POLR3A: variants seen among roughly 807,000 people sequenced by gnomAD.
POLR3A encodes the protein RNA polymerase III subunit A.
POLR3A carries 112 observed loss-of-function variants against 152.8 expected under a neutral mutation model. That is an observed-to-expected ratio of 0.73 (90% CI 0.63 to 0.86). POLR3A has a LOEUF of 0.86. POLR3A is among the 40% of genes least tolerant of loss of function. The pLI, the probability that POLR3A is intolerant of heterozygous loss-of-function variation, is 0.00. For synonymous variants in POLR3A, 615 were observed against 652.1 expected, an observed-to-expected ratio of 0.94 and a Z score of 0.87; for missense variants, 1,385 against 1,743.1, an observed-to-expected ratio of 0.79 and a Z score of 3.66.
At chr10:77,986,966 A>C (rs1035864761) in intron 21 of POLR3A, among the ~76,000 whole-genome samples, 1 of 152,138 alleles carries the variant, frequency 6.6e-6, no homozygotes, top group African/African-American at 2.4e-5. Context: ...CAACCACTCA[A>C]ATGGGTAAAA....
Position 78,029,441 on chromosome 10 carries a change from G to C in POLR3A, c.-34C>G. 1.2e-6 allele frequency: 2 copies of C among 1,612,008 alleles called. No individual in the cohort carries two copies. The highest frequency in any genetic ancestry group is 1.7e-6 in the Non-Finnish European group (2 of 1,178,470). On this transcript the variant is annotated 5_prime_UTR_variant, in exon 1 of 31. Transcript: ENST00000372371. Reference sequence around the variant, plus strand: ...CTGCCGGGACGCCTCCTTGGCACTCGGGAGGCCAGATTAGAGAAACGATGC... The same window carrying C: ...CTGCCGGGACGCCTCCTTGGCACTCCGGAGGCCAGATTAGAGAAACGATGC...
intron 14 of POLR3A, among the ~76,000 whole-genome samples, chr10:78,008,778 G>A (rs1025884702): frequency 2.6e-5 from 4 of 151,932 alleles, no homozygotes; most frequent in African/African-American, 7.3e-5. Flanking sequence ...GGGAGGATGA[G>A]GTGGGACGAT....
Position 78,004,830 on chromosome 10 carries a change from C to T in POLR3A, c.2133G>A (p.Lys711=). The change falls in exon 16 of 31, where the codon AAG becomes AAA. Residue 711 remains lysine (K), a synonymous_variant. Transcript: ENST00000372371. The stretch of plus-strand genomic sequence containing the variant: ...CGGCATTCAGCAACTCATACTTGGC[C>T]TTCAGCAGTCCTTGGCCAGGTGTGA... ...GDVTPGQGLL[K]AKYELLNAGY... is the part of the protein sequence containing the mutation. The T allele has an allele frequency of 1.9e-6, 3 of 1,614,128 alleles. No homozygotes were observed. Among genetic ancestry groups the T allele is most frequent in the Non-Finnish European group, 2.5e-6 (3 of 1,179,978 alleles).
intron 29 of POLR3A, 59 bp downstream of exon 29, chr10:77,981,369 T>A (rs1385301951): frequency 5.9e-6 from 9 of 1,525,114 alleles, no homozygotes; most frequent in Non-Finnish European, 7.3e-6. Context: ...CACAGGCTTA[T>A]TCTCCTGAAA....
intron 21 of POLR3A, among the ~76,000 whole-genome samples, chr10:77,989,715 T>A (rs1253182432): frequency 6.6e-6 from 1 of 152,162 alleles, no homozygotes; most frequent in Non-Finnish European, 1.5e-5. Context: ...CTGTTGGCGT[T>A]CACAGCATGC....
chr10:77,979,797 C>A (rs1330745977), intron 30 of POLR3A, among the ~76,000 whole-genome samples: 1 of 152,196 alleles, frequency 6.6e-6, no homozygotes, highest in Non-Finnish European at 1.5e-5. Context: ...CTGCTCCTGT[C>A]AGCCCTGGTG....
chr10:78,008,374 A>T (rs1051190283), intron 14 of POLR3A, among the ~76,000 whole-genome samples: 62 of 152,278 alleles, frequency 4.1e-4, no homozygotes, highest in African/African-American at 1.4e-3. Context: ...ATCAGAGAGC[A>T]TATTTCCAAA....
Position 77,984,164 on chromosome 10 carries a change from C to T in POLR3A, c.3336+41G>A, listed in dbSNP as rs1214040573. 6 of 1,382,504 alleles carry T rather than the reference C, an allele frequency of 4.3e-6. No homozygotes were observed. The South Asian group carries it at 5.8e-5, about 13-fold the overall frequency. The allele number at this position is 1,382,504 out of a possible 1,614,324, so 85.6% of individuals were successfully genotyped here. A position where few individuals can be genotyped will look rare whatever the true frequency, so the allele number is the denominator to read the frequency against. On this transcript the variant is annotated intron_variant, in intron 25 of 30. Coordinates refer to ENST00000372371, the MANE Select transcript of POLR3A (RefSeq NM_007055.4). The stretch of plus-strand genomic sequence containing the variant: ...ATTTTTACACTTCCTTGCAACATTG[C>T]TGAGCTAGTTTTCTTGTTATCAATA...
chr10:77,991,390 AG>A (rs1847246496), intron 20 of POLR3A, among the ~76,000 whole-genome samples: 1 of 152,228 alleles, frequency 6.6e-6, no homozygotes, highest in South Asian at 2.1e-4. Flanking sequence ...GCTATTCAGC[AG>A]GTGTTGTCCC....
rs1847614779 is a variant in POLR3A, at chr10:78,024,682, A to G, written c.512T>C (p.Leu171Pro). 6.2e-7 allele frequency: 1 copy of G among 1,613,728 alleles called. No homozygotes were observed. The highest frequency in any genetic ancestry group is 1.7e-5 in the Admixed American group (1 of 60,002). ...GTATTTCTCATGAATTATTTTCAGC[A>G]GTCCACACTTCTTTACGGTACCTAT... ...AFNGTVKKCG[L>P]LKIIHEKYKT... The change falls in exon 5 of 31, where the codon CTG (leucine) becomes CCG (proline). Residue 171 changes from leucine to proline, a missense_variant. Transcript: ENST00000372371.
chr10:77,986,213 C>T (rs1458759872), intron 21 of POLR3A, 54 bp from the exon 22 acceptor site: 2 of 902,348 alleles, frequency 2.2e-6, no homozygotes, highest in Non-Finnish European at 3.8e-6. Context: ...ATGCAGATGA[C>T]ATAATTCATT....
chr10:77,977,220 G>A lies in POLR3A; in HGVS notation c.*258C>T, dbSNP rs974471203. 19 of 472,684 alleles carry A rather than the reference G, an allele frequency of 4.0e-5. No homozygotes were observed. The highest frequency in any genetic ancestry group is 6.2e-5 in the Non-Finnish European group (16 of 257,602). The allele number at this position is 472,684 out of a possible 1,614,324, so 29.3% of individuals were successfully genotyped here. ...CAGTGTGTGCACGAGCTGTGGGGCCGTCTATAGATTAGGTTTCAAGCAAGC... is the reference window on the plus strand; with the variant it reads ...CAGTGTGTGCACGAGCTGTGGGGCCATCTATAGATTAGGTTTCAAGCAAGC... On this transcript the variant is annotated 3_prime_UTR_variant, in exon 31 of 31. Transcript: ENST00000372371.
In POLR3A at chr10:78,007,828, T is replaced by C. The variant is rs145211567; in HGVS notation, c.1948A>G (p.Met650Val). Residue 650 changes from methionine to valine, a missense_variant, in exon 15 of 31, where the codon ATG becomes GTG. Met to Val is a conservative substitution (Grantham distance 21). Coordinates refer to ENST00000372371, the MANE Select transcript of POLR3A (RefSeq NM_007055.4). ...CCTGACCCTAGGGTTCCTTTGTCCATGCTGCCACTCATCAACTCACTGTTC... is the reference window on the plus strand; with the variant it reads ...CCTGACCCTAGGGTTCCTTTGTCCACGCTGCCACTCATCAACTCACTGTTC... ...IQNSELMSGS[M>V]DKGTLGSGSK... 18 of 1,613,820 alleles carry C rather than the reference T, an allele frequency of 1.1e-5. No homozygotes were observed. The African/African-American group carries it at 2.1e-4, about 19-fold the overall frequency.
rs116234948 is a variant in POLR3A at position 77,983,165 on chromosome 10, C to T, written c.3430-348G>A. Among the ~76,000 whole-genome samples the T allele has an allele frequency of 4.4e-3, 665 of 152,284 alleles. 4 individuals carry two copies. Among genetic ancestry groups the T allele is most frequent in the African/African-American group, 0.014 (595 of 41,548 alleles). On this transcript the variant is annotated intron_variant, in intron 26 of 30. Transcript: ENST00000372371. ...AAGCTTCCGTGGGGCCTCCCCTTTA[C>T]CTGACACTTTCACAATGGTTCATGT...
rs749302929 is a variant in POLR3A, at chr10:77,982,195, CGT to C, written c.3716_3717del (p.His1239ArgfsTer11). 19 of 1,613,946 alleles carry C rather than the reference CGT, an allele frequency of 1.2e-5. No homozygotes were observed. The South Asian group carries it at 2.0e-4, about 17-fold the overall frequency. On this transcript the variant is annotated frameshift_variant, in exon 28 of 31. Coordinates refer to ENST00000372371, the MANE Select transcript of POLR3A (RefSeq NM_007055.4). LOFTEE classifies it high-confidence loss of function. Reference sequence around the variant, plus strand: ...GAGGTGGTTCGGGTGCCCTTCACACCGTGTGTGGCCATGACTGCCCGCAGGTT... The same window carrying C: ...GAGGTGGTTCGGGTGCCCTTCACACCGTGTGGCCATGACTGCCCGCAGGTT... ...GDNLRAVMATHGVKGTRTTSN... is the reference protein window; with the variant it reads ...GDNLRAVMATXGVKGTRTTSN...
intron 1 of POLR3A, among the ~76,000 whole-genome samples, chr10:78,028,025 G>C (rs1043366497): frequency 1.3e-5 from 2 of 152,278 alleles, no homozygotes; most frequent in East Asian, 3.9e-4. Flanking sequence ...CATTCACCTA[G>C]GTAAGACACC....
chr10:78,029,212 C>A, intron 1 of POLR3A, 152 bp downstream of exon 1: 1 of 793,996 alleles, frequency 1.3e-6, no homozygotes, highest in South Asian at 1.4e-5. Flanking sequence ...CTTTGACCAA[C>A]GCTGGTAGTT....
At chr10:78,007,211 T>A (rs559914525) in intron 15 of POLR3A, among the ~76,000 whole-genome samples, 3 of 152,252 alleles carry the variant, frequency 2.0e-5, no homozygotes, top group Admixed American at 6.5e-5. Flanking sequence ...TAAAATTGTA[T>A]ACCCAGGCAA....
chr10:77,998,270 A>C (rs1847321849), intron 19 of POLR3A, among the ~76,000 whole-genome samples: 1 of 152,170 alleles, frequency 6.6e-6, no homozygotes, highest in South Asian at 2.1e-4. Flanking sequence ...AAAACACCAA[A>C]AGCAATGGCA....
Sources: allele counts gnomAD v4.1 joint callset (sites outside exome capture counted in the v4.1 genomes callset), GRCh38; gene constraint gnomAD v4.1.1; transcripts MANE v1.5; gene names NCBI Gene and HGNC (gene_info 2026-07-23, HGNC 2026-07-21).